The following HDAC9 variants were observed in gnomAD, a reference collection of about 807,000 sequenced individuals.
The protein encoded by HDAC9 is histone deacetylase 9, also known as MEF-2 interacting transcription repressor (MITR) protein.
Under a neutral mutation model 139.4 loss-of-function variants are expected in HDAC9, and 41 were observed. That is an observed-to-expected ratio of 0.29 (90% CI 0.23 to 0.38). HDAC9 has a LOEUF of 0.38. Ranked by LOEUF, HDAC9 falls within the 10% of genes least tolerant of loss-of-function variation. The probability of loss-of-function intolerance (pLI) is 1.00; values close to 1 mark genes in which losing one functional copy is unlikely to be tolerated. For synonymous variants in HDAC9, 517 were observed against 476.2 expected, an observed-to-expected ratio of 1.09 and a Z score of -1.12; for missense variants, 1,147 against 1,297.0, an observed-to-expected ratio of 0.88 and a Z score of 1.78.
At chr7:18,310,267 T>G (rs1799220276) in intron 1 of HDAC9, among the ~76,000 whole-genome samples, 1 of 152,196 alleles carries the variant, frequency 6.6e-6, no homozygotes, top group Admixed American at 6.5e-5. Flanking sequence ...TCACAGAGTT[T>G]TATGTTGGGC....
At chr7:18,373,854 A>G (rs1390869189) in intron 1 of HDAC9, among the ~76,000 whole-genome samples, 1 of 152,128 alleles carries the variant, frequency 6.6e-6, no homozygotes, top group Non-Finnish European at 1.5e-5. Context: ...GTAGACTTAT[A>G]CTTGTGACTC....
intron 2 of HDAC9, among the ~76,000 whole-genome samples, chr7:18,554,690 T>A (rs1324403086): frequency 1.3e-5 from 2 of 152,110 alleles, no homozygotes; most frequent in Non-Finnish European, 2.9e-5. Context: ...CTCTTCTGTC[T>A]CCCTCCTTCT....
Position 18,997,355 on chromosome 7 carries a change from A to G in HDAC9, c.*1293A>G, listed in dbSNP as rs1190783002. On this transcript the variant is annotated 3_prime_UTR_variant, in exon 26 of 26. Transcript: ENST00000686413. ...CCTTTAAACAAGTTTCCTTAGTGTC[A>G]AAAGTTAAAAATAAAGGACATTTAT... 6.6e-6 allele frequency: 1 copy of G among 151,934 alleles called. No homozygotes were observed. Among genetic ancestry groups the G allele is most frequent in the Non-Finnish European group, 1.5e-5 (1 of 67,962 alleles). 9.4% of individuals were successfully genotyped at this position (151,934 alleles called of 1,614,324 possible).
At chr7:18,248,197 A>C (rs1372924141) in intron 2 of HDAC9, among the ~76,000 whole-genome samples, 2 of 152,224 alleles carry the variant, frequency 1.3e-5, no homozygotes, top group Non-Finnish European at 2.9e-5. Flanking sequence ...TAAGAAAGCA[A>C]TTGCAGATTT....
intron 1 of HDAC9, among the ~76,000 whole-genome samples, chr7:18,333,527 C>T (rs1781362381): frequency 1.3e-5 from 2 of 151,318 alleles, no homozygotes; most frequent in African/African-American, 4.8e-5. Flanking sequence ...CAAATACACA[C>T]CATGAAATGT....
At chr7:18,676,634 A>G (rs1472442001) in intron 12 of HDAC9, among the ~76,000 whole-genome samples, 1 of 152,026 alleles carries the variant, frequency 6.6e-6, no homozygotes, top group Non-Finnish European at 1.5e-5. Context: ...ACTGTAAATT[A>G]TAAATTATTT....
At chr7:18,868,349 A>G (rs1233045776) in intron 21 of HDAC9, among the ~76,000 whole-genome samples, 1 of 152,212 alleles carries the variant, frequency 6.6e-6, no homozygotes, top group African/African-American at 2.4e-5. Flanking sequence ...GAGTCCCAGT[A>G]TCTACATTAG....
At chr7:18,608,504 A>G (rs1836170302) in intron 6 of HDAC9, among the ~76,000 whole-genome samples, 1 of 152,104 alleles carries the variant, frequency 6.6e-6, no homozygotes, top group Non-Finnish European at 1.5e-5. Context: ...CCACTTATTC[A>G]TATACAAGAT....
intron 2 of HDAC9, among the ~76,000 whole-genome samples, chr7:18,503,846 A>G (rs1442453060): frequency 6.6e-6 from 1 of 152,190 alleles, no homozygotes; most frequent in African/African-American, 2.4e-5. Context: ...GTTATTTTCA[A>G]TTTGCTTGAG....
At chr7:18,812,688 T>C (rs77436381) in intron 17 of HDAC9, among the ~76,000 whole-genome samples, 1 of 151,972 alleles carries the variant, frequency 6.6e-6, no homozygotes, top group Non-Finnish European at 1.5e-5. Context: ...TTGCTGTTTT[T>C]AATAACAATT....
At chr7:18,192,120 G>C (rs1178329) in intron 2 of HDAC9, among the ~76,000 whole-genome samples, 1 of 151,922 alleles carries the variant, frequency 6.6e-6, no homozygotes, top group African/African-American at 2.4e-5. Flanking sequence ...ACCCGGCCGG[G>C]GGGCGGGGGG....
chr7:18,786,599 T>TTCCTTCCTTCTTTTCG (rs1791784762), intron 16 of HDAC9, among the ~76,000 whole-genome samples: 7 of 86,266 alleles, frequency 8.1e-5, no homozygotes, highest in African/African-American at 2.8e-4. Flanking sequence ...CCTTCCTTCC[T>TTCCTTCCTTCTTTTCG]TCCTTCCTTC....
At chr7:18,706,647 T>A (rs1783945886) in intron 12 of HDAC9, among the ~76,000 whole-genome samples, 1 of 152,226 alleles carries the variant, frequency 6.6e-6, no homozygotes, top group African/African-American at 2.4e-5. Flanking sequence ...CATCTAGTCA[T>A]GTCTAGAGAC....
intron 1 of HDAC9, among the ~76,000 whole-genome samples, chr7:18,465,699 G>A (rs1273820722): frequency 1.3e-5 from 2 of 152,074 alleles, no homozygotes; most frequent in South Asian, 2.1e-4. Flanking sequence ...ACTAAAGTCT[G>A]TATTCTTCTG....
chr7:18,449,465 G>T (rs1412596019), intron 1 of HDAC9, among the ~76,000 whole-genome samples: 2 of 152,138 alleles, frequency 1.3e-5, no homozygotes, highest in Non-Finnish European at 2.9e-5. Flanking sequence ...TACTTTGAGG[G>T]TATTAATGAG....
intron 12 of HDAC9, among the ~76,000 whole-genome samples, chr7:18,713,893 T>C (rs869113598): frequency 3.3e-5 from 5 of 152,042 alleles, no homozygotes; most frequent in Admixed American, 2.6e-4. Context: ...ATTTTGGTAA[T>C]AGAGTCAATT....
intron 21 of HDAC9, among the ~76,000 whole-genome samples, chr7:18,843,661 A>AT (rs35677313): frequency 4.2e-4 from 62 of 148,972 alleles, no homozygotes; most frequent in Middle Eastern, 3.4e-3. Context: ...CATAGAGTGA[A>AT]TTTTTTTTTT....
rs113043741 is a variant in HDAC9 at position 18,583,532 on chromosome 7, G to A, written c.23-1749G>A. Among the ~76,000 whole-genome samples the A allele has an allele frequency of 3.2e-3, 479 of 150,562 alleles. 4 individuals carry two copies. Among genetic ancestry groups the A allele is most frequent in the African/African-American group, 0.011 (457 of 41,068 alleles). The stretch of plus-strand genomic sequence containing the variant: ...TCAGGAATTCAAGACCAGCCTTCGC[G>A]ACATAGCAAGATAATACCCCAGCTC... On this transcript the variant is annotated intron_variant, in intron 2 of 25. Coordinates refer to ENST00000686413, the MANE Select transcript of HDAC9 (RefSeq NM_178425.4).
chr7:18,939,354 C>G (rs1781867033), intron 23 of HDAC9, among the ~76,000 whole-genome samples: 1 of 151,676 alleles, frequency 6.6e-6, no homozygotes, highest in Admixed American at 6.6e-5. Flanking sequence ...TCAGGTCTAT[C>G]AGTATATGGA....
Sources: allele counts gnomAD v4.1 joint callset (sites outside exome capture counted in the v4.1 genomes callset), GRCh38; gene constraint gnomAD v4.1.1; transcripts MANE v1.5; gene names NCBI Gene and HGNC (gene_info 2026-07-23, HGNC 2026-07-21).